The following RPH3AL variants were observed in gnomAD, a reference collection of about 807,000 sequenced individuals.
The protein encoded by RPH3AL is rab effector Noc2.
Under a neutral mutation model 43.1 loss-of-function variants are expected in RPH3AL, and 38 were observed. The ratio of observed to expected loss-of-function variants is 0.88; its 90% CI spans 0.68 to 1.15. The LOEUF is 1.15. Among genes scored for constraint, RPH3AL ranks in the 50% most tolerant of loss-of-function variants. RPH3AL has a pLI of 0.00. For missense variants in RPH3AL, 462 were observed against 423.2 expected (o/e 1.09, Z -0.81); for synonymous variants, 189 against 176.3 (o/e 1.07, Z -0.57).
At chr17:314,705 CT>C (rs1567507934) in intron 5 of RPH3AL, among the ~76,000 whole-genome samples, 111 of 144,986 alleles carry the variant, frequency 7.7e-4, no homozygotes, top group Admixed American at 9.7e-4. Flanking sequence ...GACCTGTAGT[CT>C]CTGTGCTCCA....
Position 281,884 on chromosome 17 carries a change from G to C in RPH3AL, c.352-30C>G, listed in dbSNP as rs376062056. 20 of 1,561,448 alleles carry C rather than the reference G, an allele frequency of 1.3e-5. No individual in the cohort carries two copies. The African/African-American group carries it at 2.4e-4, about 19-fold the overall frequency. On this transcript the variant is annotated intron_variant, in intron 5 of 9. Transcript: ENST00000331302. The stretch of plus-strand genomic sequence containing the variant: ...AAGAGAGAGGACATGGGGTTGTAAA[G>C]ATTGCAGCCGCTTCCTCCTCCGCCG...
At position 321,358 on chromosome 17, in the gene RPH3AL, C is replaced by T; in HGVS notation, c.135G>A (p.Gln45=). The T allele has an allele frequency of 1.2e-6, 2 of 1,611,616 alleles. No individual in the cohort carries two copies. The highest frequency in any genetic ancestry group is 2.2e-5 in the East Asian group (1 of 44,868). ...CCTCCACCTCCGCCGGGCTGAGGTG[C>T]TGCTTCCTCCTCTGCTTCTCCGTCT... ...TYQTEKQRRK[Q]HLSPAEVEAI... The change falls in exon 4 of 10, where the codon CAG becomes CAA. Residue 45 remains glutamine (Q), a synonymous_variant. Transcript: ENST00000331302.
intron 7 of RPH3AL, among the ~76,000 whole-genome samples, chr17:239,653 G>A (rs1284904449): frequency 6.6e-6 from 1 of 152,012 alleles, no homozygotes; most frequent in African/African-American, 2.4e-5. Context: ...AGAGATAGGG[G>A]TCTCACTCTT....
rs1336991990 is a variant in RPH3AL at position 288,963 on chromosome 17, T to C, written c.352-7109A>G. On this transcript the variant is annotated intron_variant, in intron 5 of 9. Coordinates refer to ENST00000331302, the MANE Select transcript of RPH3AL (RefSeq NM_006987.4). Reference sequence around the variant, plus strand: ...ACCTCGCACCCTCTCTCCCCACTCCTGTCTCAGTCCCTCCATGTGCTTCTT... The same window carrying C: ...ACCTCGCACCCTCTCTCCCCACTCCCGTCTCAGTCCCTCCATGTGCTTCTT... Among the ~76,000 whole-genome samples the C allele has an allele frequency of 2.0e-5, 3 of 151,944 alleles. No homozygotes were observed. In the East Asian group the frequency reaches 5.8e-4, roughly 29 times the overall value.
intron 6 of RPH3AL, among the ~76,000 whole-genome samples, chr17:278,857 C>T (rs2042718199): frequency 6.6e-6 from 1 of 152,174 alleles, no homozygotes; most frequent in African/African-American, 2.4e-5. Context: ...ACACTGCCGC[C>T]TGGTGAAAGG....
intron 3 of RPH3AL, among the ~76,000 whole-genome samples, chr17:321,842 T>C (rs980463632): frequency 2.6e-5 from 4 of 152,100 alleles, no homozygotes; most frequent in Non-Finnish European, 5.9e-5. Flanking sequence ...AGCACCACCT[T>C]AGCCCGGGAG....
intron 5 of RPH3AL, 63 bp from the exon 6 acceptor site, chr17:281,917 C>T (rs2042790763): frequency 2.3e-6 from 3 of 1,287,760 alleles, no homozygotes; most frequent in East Asian, 2.3e-5. Flanking sequence ...CCGAGGGGCT[C>T]AGACAACTGT....
chr17:315,593 G>GC (rs2044000375), intron 5 of RPH3AL, among the ~76,000 whole-genome samples: 4 of 123,402 alleles, frequency 3.2e-5, no homozygotes, highest in African/African-American at 5.9e-5. Context: ...TAGTCCCTGT[G>GC]CTCCACCTCC....
intron 5 of RPH3AL, among the ~76,000 whole-genome samples, chr17:285,787 C>T (rs990529841): frequency 3.3e-5 from 5 of 152,216 alleles, no homozygotes; most frequent in Non-Finnish European, 7.3e-5. Flanking sequence ...CAACAGCCTG[C>T]TCCCCTGCTC....
chr17:338,321 G>T (rs1007181232), intron 1 of RPH3AL, among the ~76,000 whole-genome samples: 10 of 151,964 alleles, frequency 6.6e-5, no homozygotes, highest in Non-Finnish European at 8.8e-5. Context: ...ACTTAGCTGG[G>T]CATGGTGGCA....
intron 6 of RPH3AL, among the ~76,000 whole-genome samples, chr17:268,565 T>TTG (rs1567600293): frequency 1.5e-5 from 2 of 134,112 alleles, no homozygotes; most frequent in African/African-American, 2.8e-5. Flanking sequence ...TTTTTTTTTT[T>TTG]TTTTTTTTTT....
At chr17:282,986 C>T (rs1053841421) in intron 5 of RPH3AL, among the ~76,000 whole-genome samples, 13 of 152,210 alleles carry the variant, frequency 8.5e-5, no homozygotes, top group African/African-American at 2.9e-4. Flanking sequence ...AGCAACAAGG[C>T]CAGAAGAAGC....
chr17:262,172 G>A (rs374585144), intron 6 of RPH3AL, among the ~76,000 whole-genome samples: 9 of 152,220 alleles, frequency 5.9e-5, no homozygotes, highest in African/African-American at 1.4e-4. Flanking sequence ...GGTCAAGGTC[G>A]TTATAAAAAT....
intron 5 of RPH3AL, among the ~76,000 whole-genome samples, chr17:313,686 G>A (rs1336258291): frequency 6.6e-6 from 1 of 152,202 alleles, no homozygotes; most frequent in Non-Finnish European, 1.5e-5. Context: ...ACCCTGGAAA[G>A]TCATCTCCAC....
chr17:285,198 C>G (rs980521548), intron 5 of RPH3AL, among the ~76,000 whole-genome samples: 1 of 151,138 alleles, frequency 6.6e-6, no homozygotes, highest in Non-Finnish European at 1.5e-5. Context: ...GCCCTCGGTC[C>G]CCCTGAGCCT....
chr17:262,771 C>A (rs763890108), intron 6 of RPH3AL, among the ~76,000 whole-genome samples: 4 of 152,202 alleles, frequency 2.6e-5, no homozygotes, highest in Admixed American at 2.6e-4. Context: ...AGCCAATATT[C>A]CCCCTGCCCT....
chr17:217,094 G>A (rs369461931), intron 8 of RPH3AL, among the ~76,000 whole-genome samples: 2 of 137,996 alleles, frequency 1.4e-5, no homozygotes, highest in South Asian at 5.1e-4. Flanking sequence ...CCCTTCTTCT[G>A]CACTAAAATT....
intron 5 of RPH3AL, among the ~76,000 whole-genome samples, chr17:297,355 G>A (rs377556665): frequency 5.3e-5 from 8 of 152,176 alleles, no homozygotes; most frequent in Admixed American, 3.3e-4. Flanking sequence ...GCAAATTATC[G>A]AACCCAAAGT....
intron 5 of RPH3AL, among the ~76,000 whole-genome samples, chr17:310,737 C>G (rs964390225): frequency 6.6e-6 from 1 of 152,214 alleles, no homozygotes; most frequent in Non-Finnish European, 1.5e-5. Flanking sequence ...CACTGGGATC[C>G]GCATGGCTCC....
Sources: gnomAD v4.1 joint callset for allele counts (sites outside exome capture counted in the v4.1 genomes callset) on GRCh38, gnomAD v4.1.1 for gene constraint, MANE v1.5 for transcripts, NCBI Gene and HGNC (gene_info 2026-07-23, HGNC 2026-07-21) for gene names.